ELOVL6: variants seen among roughly 807,000 people sequenced by gnomAD.
ELOVL6 encodes ELOVL fatty acid elongase 6.
ELOVL6 carries 8 observed loss-of-function variants against 31.7 expected under a neutral mutation model. That is an observed-to-expected ratio of 0.25 (90% confidence interval 0.15 to 0.45). The LOEUF (loss-of-function observed/expected upper bound fraction) is 0.45. Among genes scored for constraint, ELOVL6 ranks in the 20% least tolerant of loss-of-function variants. The pLI, the probability that ELOVL6 is intolerant of heterozygous loss-of-function variation, is 1.00. For synonymous variants in ELOVL6, 101 were observed against 117.7 expected, an observed-to-expected ratio of 0.86 and a Z score of 0.92; for missense variants, 126 against 326.4, an observed-to-expected ratio of 0.39 and a Z score of 4.73.
chr4:110,061,213 C>G (rs1755127558), intron 2 of ELOVL6, among the ~76,000 whole-genome samples: 1 of 152,124 alleles, frequency 6.6e-6, no homozygotes, highest in African/African-American at 2.4e-5. Context: ...CCGACAAGGC[C>G]TCTCTGCACT....
At chr4:110,175,293 A>G (rs1994106) in intron 1 of ELOVL6, among the ~76,000 whole-genome samples, 125,501 of 152,006 alleles carry the variant, frequency 0.83, 52,048 homozygotes, top group East Asian at 0.9. Flanking sequence ...TGGGACATGA[A>G]AATCGCTTGA....
intron 1 of ELOVL6, among the ~76,000 whole-genome samples, chr4:110,120,164 G>A (rs1367089117): frequency 1.3e-5 from 2 of 152,094 alleles, no homozygotes; most frequent in Admixed American, 1.3e-4. Flanking sequence ...GCTTATGCTG[G>A]CATGCACACA....
intron 1 of ELOVL6, among the ~76,000 whole-genome samples, chr4:110,110,057 C>T (rs1756989456): frequency 1.3e-5 from 2 of 152,280 alleles, no homozygotes; most frequent in Middle Eastern, 3.4e-3. Flanking sequence ...GACGCTGAGA[C>T]AGAATGCCAA....
At chr4:110,179,240 C>T (rs866202830) in intron 1 of ELOVL6, among the ~76,000 whole-genome samples, 6 of 152,274 alleles carry the variant, frequency 3.9e-5, no homozygotes, top group African/African-American at 1.2e-4. Flanking sequence ...TATAGTGGCT[C>T]ATGCCTGTAA....
intron 1 of ELOVL6, among the ~76,000 whole-genome samples, chr4:110,183,821 A>C (rs1759366591): frequency 6.6e-6 from 1 of 152,124 alleles, no homozygotes; most frequent in Non-Finnish European, 1.5e-5. Flanking sequence ...ATCTCTACAA[A>C]CAATACAAAA....
chr4:110,080,319 G>A (rs1755796796), intron 2 of ELOVL6, among the ~76,000 whole-genome samples: 1 of 152,178 alleles, frequency 6.6e-6, no homozygotes, highest in Non-Finnish European at 1.5e-5. Flanking sequence ...TATCCCTGAT[G>A]AACATTGATG....
At chr4:110,061,032 T>C (rs932698276) in intron 2 of ELOVL6, among the ~76,000 whole-genome samples, 2 of 152,206 alleles carry the variant, frequency 1.3e-5, no homozygotes, top group East Asian at 1.9e-4. Context: ...GTTGGGTCTT[T>C]GTAAGTAGCT....
At chr4:110,094,977 CAT>C (rs1050246322) in intron 2 of ELOVL6, among the ~76,000 whole-genome samples, 4 of 152,274 alleles carry the variant, frequency 2.6e-5, no homozygotes, top group African/African-American at 9.6e-5. Flanking sequence ...CCAAGAAATT[CAT>C]AGTCTACCAA....
In ELOVL6 at chr4:110,051,330, T is replaced by A. The variant is rs376295869; in HGVS notation, c.*8A>T. The A allele has an allele frequency of 2.5e-6, 4 of 1,613,106 alleles. No individual in the cohort carries two copies. In the African/African-American group the frequency reaches 5.3e-5, roughly 22 times the overall value. On this transcript the variant is annotated 3_prime_UTR_variant, in exon 4 of 4. Coordinates refer to ENST00000302274, the MANE Select transcript of ELOVL6 (RefSeq NM_024090.3). This position sits in a 1 kb window ranked among gnomAD's most constrained non-coding sequence, Gnocchi z 4.8. ...CCCTGAGCTATGGCTTCCTCCTCAG[T>A]TCCAACACTATTCAGCTTTCGTTGT...
chr4:110,166,580 T>C (rs548190363), intron 1 of ELOVL6, among the ~76,000 whole-genome samples: 6 of 152,268 alleles, frequency 3.9e-5, no homozygotes, highest in African/African-American at 7.2e-5. Flanking sequence ...GCCACTGCAC[T>C]CCAGCCTGGT....
At chr4:110,102,001 T>C (rs1255801854) in intron 2 of ELOVL6, among the ~76,000 whole-genome samples, 1 of 152,240 alleles carries the variant, frequency 6.6e-6, no homozygotes, top group Non-Finnish European at 1.5e-5. Context: ...TCTATAAATA[T>C]TTTTATATTA....
intron 1 of ELOVL6, among the ~76,000 whole-genome samples, chr4:110,112,455 A>C (rs1757062193): frequency 6.6e-6 from 1 of 152,268 alleles, no homozygotes; most frequent in Admixed American, 6.5e-5. Context: ...TTAGAGAGGT[A>C]CAAGAATACT....
chr4:110,164,598 G>A (rs948851471), intron 1 of ELOVL6, among the ~76,000 whole-genome samples: 1 of 151,806 alleles, frequency 6.6e-6, no homozygotes, highest in Non-Finnish European at 1.5e-5. Flanking sequence ...AAATTAGCCC[G>A]GTGTGGTGGC....
intron 1 of ELOVL6, among the ~76,000 whole-genome samples, chr4:110,128,051 A>C (rs1560835267): frequency 6.6e-6 from 1 of 152,024 alleles, no homozygotes; most frequent in African/African-American, 2.4e-5. Context: ...CAAAAAAAAA[A>C]AAAAAGTAAA....
intron 2 of ELOVL6, among the ~76,000 whole-genome samples, chr4:110,091,044 G>A (rs1438981740): frequency 6.6e-6 from 1 of 152,162 alleles, no homozygotes; most frequent in Non-Finnish European, 1.5e-5. Context: ...CACAGGTTCG[G>A]CAAATGGAGA....
chr4:110,124,797 C>T, intron 1 of ELOVL6, among the ~76,000 whole-genome samples: 1 of 151,996 alleles, frequency 6.6e-6, no homozygotes, highest in East Asian at 1.9e-4. Flanking sequence ...AAGGCTAGTT[C>T]TTGAAGAAAC....
At chr4:110,138,469 C>T (rs74968598) in intron 1 of ELOVL6, among the ~76,000 whole-genome samples, 150 of 152,184 alleles carry the variant, frequency 9.9e-4, no homozygotes, top group African/African-American at 3.4e-3. Context: ...TAACACACTA[C>T]GATGTGTTTT....
At chr4:110,125,587 G>C (rs1231442431) in intron 1 of ELOVL6, among the ~76,000 whole-genome samples, 3 of 152,042 alleles carry the variant, frequency 2.0e-5, no homozygotes, top group African/African-American at 7.2e-5. Flanking sequence ...TTGGGAGGCT[G>C]AGGTGGGCAG....
intron 3 of ELOVL6, among the ~76,000 whole-genome samples, chr4:110,058,464 A>G (rs1400698400): frequency 6.6e-6 from 1 of 152,160 alleles, no homozygotes; most frequent in African/African-American, 2.4e-5. Context: ...ATCTACTTAT[A>G]AACAGCAGGT....
Sources: allele counts gnomAD v4.1 joint callset (sites outside exome capture counted in the v4.1 genomes callset), GRCh38; gene constraint gnomAD v4.1.1; non-coding constraint Gnocchi (gnomAD v3.1); transcripts MANE v1.5; gene names NCBI Gene and HGNC (gene_info 2026-07-23, HGNC 2026-07-21).